The following PRKAG2 variants were observed in gnomAD, a reference collection of about 807,000 sequenced individuals.
PRKAG2 encodes protein kinase AMP-activated non-catalytic subunit gamma 2.
A neutral mutation model predicts 69.6 loss-of-function variants in PRKAG2; 26 were observed. That is an observed-to-expected ratio of 0.37 (90% CI 0.27 to 0.52). PRKAG2 has a LOEUF of 0.52. PRKAG2 is among the 20% of genes least tolerant of loss of function. The pLI is 0.90. For missense variants in PRKAG2, 557 were observed against 740.0 expected (o/e 0.75, Z 2.87); for synonymous variants, 293 against 285.0 (o/e 1.03, Z -0.28).
chr7:151,665,841 G>A (rs1232371676), intron 4 of PRKAG2, among the ~76,000 whole-genome samples: 2 of 152,132 alleles, frequency 1.3e-5, no homozygotes, highest in African/African-American at 2.4e-5. Flanking sequence ...AATGTCAAGC[G>A]ATTTGAGATA....
Position 151,632,414 on chromosome 7 carries a change from G to T in PRKAG2, c.685-276C>A. On this transcript the variant is annotated intron_variant, in intron 4 of 15. Coordinates refer to ENST00000287878, the MANE Select transcript of PRKAG2 (RefSeq NM_016203.4). The surrounding 1 kb of genome is among the most constrained non-coding windows in gnomAD (Gnocchi z 4.2). ...TCCCCCCCGCGCCTTGGTACGGCCC[G>T]CCCGGGAGGAAGCGTGGGAAGGGAC... 1 of 519,452 alleles carries T rather than the reference G, an allele frequency of 1.9e-6. No individual in the cohort carries two copies. The highest frequency in any genetic ancestry group is 2.5e-6 in the Non-Finnish European group (1 of 405,490). 32.2% of individuals were successfully genotyped at this position (519,452 alleles called of 1,614,324 possible). A position where few individuals can be genotyped will look rare whatever the true frequency, so the allele number is the denominator to read the frequency against.
chr7:151,693,913 C>T lies in PRKAG2; in HGVS notation c.467-18276G>A, dbSNP rs574263026. Among the ~76,000 whole-genome samples the T allele has an allele frequency of 2.6e-5, 4 of 152,362 alleles. No homozygotes were observed. In the South Asian group the frequency reaches 8.3e-4, roughly 32 times the overall value. ...TTGAGACGGAGTCTCGCACTGTTGCCTAGGCTGGAATGCAGTGGTGTGATC... is the reference window on the plus strand; with the variant it reads ...TTGAGACGGAGTCTCGCACTGTTGCTTAGGCTGGAATGCAGTGGTGTGATC... On this transcript the variant is annotated intron_variant, in intron 3 of 15. Coordinates refer to ENST00000287878, the MANE Select transcript of PRKAG2 (RefSeq NM_016203.4).
chr7:151,729,095 G>GA lies in PRKAG2; in HGVS notation c.466+52056_466+52057insT, dbSNP rs1798479476. 5.3e-5 allele frequency among the ~76,000 whole-genome samples: 8 copies of GA among 151,086 alleles called. No homozygotes were observed. In the South Asian group the frequency reaches 1.7e-3, roughly 33 times the overall value. On this transcript the variant is annotated intron_variant, in intron 3 of 15. Transcript: ENST00000287878. ...CCAGGGTTCCACCAGGCAGCGCTTG[G>GA]TGACAGTGACGTAGGGAGAACAGGC...
At chr7:151,691,275 T>C (rs1835617393) in intron 3 of PRKAG2, among the ~76,000 whole-genome samples, 1 of 152,212 alleles carries the variant, frequency 6.6e-6, no homozygotes, top group East Asian at 1.9e-4. Flanking sequence ...CTGTGTTGGT[T>C]TTTCATCTGT....
chr7:151,780,192 A>T lies in PRKAG2; in HGVS notation c.466+960T>A, dbSNP rs1423449426. On this transcript the variant is annotated intron_variant, in intron 3 of 15. Transcript: ENST00000287878. This position sits in a 1 kb window ranked among gnomAD's most constrained non-coding sequence, Gnocchi z 4.2. ...GGATGAAGTAGTGAGGCTGACAGAG[A>T]CCTGGCTTCTCGTCCTACAGCCACT... 6.6e-6 allele frequency among the ~76,000 whole-genome samples: 1 copy of T among 152,236 alleles called. No homozygotes were observed. The highest frequency in any genetic ancestry group is 1.5e-5 in the Non-Finnish European group (1 of 68,028).
In PRKAG2 at chr7:151,632,575, C is replaced by T. The variant is rs1824933217; in HGVS notation, c.685-437G>A. On this transcript the variant is annotated intron_variant, in intron 4 of 15. Transcript: ENST00000287878. The surrounding 1 kb of genome is among the most constrained non-coding windows in gnomAD (Gnocchi z 4.2). ...CCGCCCCCCGGCGCCGCTCACCTTC[C>T]CAGCACCGGCGGCCGCGCTCGGCAG... The T allele has an allele frequency of 2.0e-6, 2 of 984,708 alleles. No homozygotes were observed. Among genetic ancestry groups the T allele is most frequent in the South Asian group, 4.7e-5 (1 of 21,282 alleles). The allele number at this position is 984,708 out of a possible 1,614,324, so 61.0% of individuals were successfully genotyped here. A position where few individuals can be genotyped will look rare whatever the true frequency, so the allele number is the denominator to read the frequency against.
intron 3 of PRKAG2, among the ~76,000 whole-genome samples, chr7:151,679,712 G>A (rs1833544153): frequency 6.6e-6 from 1 of 152,162 alleles, no homozygotes; most frequent in Admixed American, 6.5e-5. Context: ...GATCTCTAAA[G>A]CCTCCTCCAT....
intron 1 of PRKAG2, among the ~76,000 whole-genome samples, chr7:151,854,897 G>A (rs1384009626): frequency 6.6e-6 from 1 of 151,804 alleles, no homozygotes; most frequent in African/African-American, 2.4e-5. Flanking sequence ...CATACTCCAG[G>A]GCTGGAGCTG....
At chr7:151,793,175 C>T (rs2077345038) in intron 1 of PRKAG2, among the ~76,000 whole-genome samples, 1 of 152,178 alleles carries the variant, frequency 6.6e-6, no homozygotes, top group Non-Finnish European at 1.5e-5. Context: ...ATGTTCTCAT[C>T]TCCTATCTTC....
chr7:151,728,434 C>T (rs913964591), intron 3 of PRKAG2, among the ~76,000 whole-genome samples: 17 of 152,134 alleles, frequency 1.1e-4, no homozygotes, highest in Admixed American at 4.6e-4. Context: ...GAGTGAGGTC[C>T]TGTCTCACAG....
At chr7:151,786,825 A>G (rs2077034724) in intron 1 of PRKAG2, among the ~76,000 whole-genome samples, 1 of 152,208 alleles carries the variant, frequency 6.6e-6, no homozygotes. Flanking sequence ...GGAGTCAGGA[A>G]GGCAGGCAGA....
intron 3 of PRKAG2, among the ~76,000 whole-genome samples, chr7:151,717,969 C>T (rs1796430867): frequency 6.6e-6 from 1 of 152,198 alleles, no homozygotes; most frequent in Non-Finnish European, 1.5e-5. Context: ...TTTTACACCT[C>T]CTCTATGCCT....
intron 1 of PRKAG2, among the ~76,000 whole-genome samples, chr7:151,872,219 C>T (rs750923078): frequency 2.4e-4 from 37 of 152,232 alleles, no homozygotes; most frequent in Non-Finnish European, 4.8e-4. Flanking sequence ...GGCCTTCTCA[C>T]GTCCCACGTC....
At chr7:151,676,314 A>C (rs1335642120) in intron 3 of PRKAG2, among the ~76,000 whole-genome samples, 1 of 152,080 alleles carries the variant, frequency 6.6e-6, no homozygotes. Flanking sequence ...CAAAACGTGC[A>C]ACATGAACAT....
chr7:151,829,387 G>T (rs374897595), intron 1 of PRKAG2, among the ~76,000 whole-genome samples: 18 of 152,204 alleles, frequency 1.2e-4, no homozygotes, highest in African/African-American at 3.9e-4. Flanking sequence ...AGGATACAAA[G>T]AAATTGCAAT....
chr7:151,836,065 G>A lies in PRKAG2; in HGVS notation c.114+40442C>T, dbSNP rs555403449. Among the ~76,000 whole-genome samples, 2 of 152,168 alleles carry A rather than the reference G, an allele frequency of 1.3e-5. No homozygotes were observed. Among genetic ancestry groups the A allele is most frequent in the African/African-American group, 4.8e-5 (2 of 41,438 alleles). On this transcript the variant is annotated intron_variant, in intron 1 of 15. Transcript: ENST00000287878. The surrounding 1 kb of genome is among the most constrained non-coding windows in gnomAD (Gnocchi z 4.1). Reference sequence around the variant, plus strand: ...GCACATCCTGAGTCTAACTCACCCCGACATTTTTTGGTTTTAAACCAGTGA... The same window carrying A: ...GCACATCCTGAGTCTAACTCACCCCAACATTTTTTGGTTTTAAACCAGTGA...
At chr7:151,725,219 C>G (rs1264986476) in intron 3 of PRKAG2, among the ~76,000 whole-genome samples, 1 of 152,110 alleles carries the variant, frequency 6.6e-6, no homozygotes, top group African/African-American at 2.4e-5. Flanking sequence ...GAGGGGGATC[C>G]TGCCACCCGC....
In PRKAG2 at chr7:151,788,214, C is replaced by G. The variant is rs1292933740; in HGVS notation, c.115-1673G>C. On this transcript the variant is annotated intron_variant, in intron 1 of 15. Transcript: ENST00000287878. This position sits in a 1 kb window ranked among gnomAD's most constrained non-coding sequence, Gnocchi z 4.6. ...GCAGCCACCCCATTTTACTTTCCCA[C>G]CCACAGTACACAGGGTTTCAATTTC... is the stretch of plus-strand genomic sequence containing the variant. Among the ~76,000 whole-genome samples the G allele has an allele frequency of 6.6e-6, 1 of 152,216 alleles. No individual in the cohort carries two copies. Among genetic ancestry groups the G allele is most frequent in the Non-Finnish European group, 1.5e-5 (1 of 68,040 alleles).
intron 5 of PRKAG2, among the ~76,000 whole-genome samples, chr7:151,604,651 C>T (rs951993042): frequency 1.3e-5 from 2 of 151,826 alleles, no homozygotes; most frequent in Non-Finnish European, 2.9e-5. Flanking sequence ...CACATACACA[C>T]ACACATACAC....
Sources: gnomAD v4.1 joint callset for allele counts (sites outside exome capture counted in the v4.1 genomes callset) on GRCh38, gnomAD v4.1.1 for gene constraint, Gnocchi (gnomAD v3.1) non-coding constraint, MANE v1.5 for transcripts, NCBI Gene and HGNC (gene_info 2026-07-23, HGNC 2026-07-21) for gene names.